PTPRG: variants seen among roughly 807,000 people sequenced by gnomAD.
PTPRG encodes the protein protein tyrosine phosphatase receptor type G.
PTPRG carries 102 observed loss-of-function variants against 165.3 expected under a neutral mutation model. The observed-to-expected ratio is 0.62, with a 90% CI of 0.53 to 0.73. PTPRG has a LOEUF of 0.73. PTPRG is among the 30% of genes least tolerant of loss of function. The probability of loss-of-function intolerance (pLI) is 0.00; values close to 1 mark genes in which losing one functional copy is unlikely to be tolerated. For missense variants in PTPRG, 1,866 were observed against 1,861.4 expected (o/e 1.00, Z -0.05); for synonymous variants, 675 against 669.5 (o/e 1.01, Z -0.13).
intron 20 of PTPRG, among the ~76,000 whole-genome samples, chr3:62,270,022 G>C (rs1465865704): frequency 6.6e-6 from 1 of 152,074 alleles, no homozygotes; most frequent in Non-Finnish European, 1.5e-5. Context: ...AATATATACT[G>C]TTTCTCTTAA....
At chr3:61,564,585 A>AGGGCGG (rs1222329344) in intron 1 of PTPRG, among the ~76,000 whole-genome samples, 1 of 152,176 alleles carries the variant, frequency 6.6e-6, no homozygotes, top group African/African-American at 2.4e-5. Context: ...CGCAGGGAAG[A>AGGGCGG]GGGCGGTTTG....
chr3:62,026,800 C>T (rs1047897480), intron 4 of PTPRG, among the ~76,000 whole-genome samples: 3 of 145,526 alleles, frequency 2.1e-5, no homozygotes, highest in African/African-American at 7.8e-5. Flanking sequence ...GCAGGAGAAT[C>T]GCTTGAACCC....
intron 2 of PTPRG, among the ~76,000 whole-genome samples, chr3:61,916,906 A>G (rs1338901248): frequency 6.6e-6 from 1 of 152,234 alleles, no homozygotes; most frequent in Admixed American, 6.5e-5. Context: ...AAGTTTAAAC[A>G]TTATAACATT....
intron 28 of PTPRG, among the ~76,000 whole-genome samples, chr3:62,289,381 A>G (rs773881595): frequency 1.3e-5 from 2 of 152,224 alleles, no homozygotes; most frequent in Non-Finnish European, 2.9e-5. Context: ...CCAAGGCTAC[A>G]TATGAACAGT....
intron 2 of PTPRG, among the ~76,000 whole-genome samples, chr3:61,930,197 G>A (rs999790840): frequency 3.9e-5 from 6 of 152,144 alleles, no homozygotes; most frequent in African/African-American, 1.4e-4. Context: ...ATTTGATGGT[G>A]ACAGCCATCT....
chr3:62,210,414 T>C lies in PTPRG; in HGVS notation c.2155+6464T>C, dbSNP rs1327765025. 2.0e-5 allele frequency among the ~76,000 whole-genome samples: 3 copies of C among 152,180 alleles called. No homozygotes were observed. Among genetic ancestry groups the C allele is most frequent in the Non-Finnish European group, 2.9e-5 (2 of 68,026 alleles). On this transcript the variant is annotated intron_variant, in intron 12 of 29. Coordinates refer to ENST00000474889, the MANE Select transcript of PTPRG (RefSeq NM_002841.4). The surrounding 1 kb of genome is among the most constrained non-coding windows in gnomAD (Gnocchi z 4.1). The stretch of plus-strand genomic sequence containing the variant: ...GTTAGAATGGCTTCTATCAAAAATA[T>C]AGAAAATAAATGTTGGCAGAAATGT...
intron 1 of PTPRG, among the ~76,000 whole-genome samples, chr3:61,633,212 A>G (rs542865137): frequency 6.6e-6 from 1 of 152,282 alleles, no homozygotes; most frequent in East Asian, 1.9e-4. Flanking sequence ...GTTGTCTTGT[A>G]TTCCCAACTG....
rs142539454 is a variant in PTPRG at position 62,129,258 on chromosome 3, T to G, written c.616-3344T>G. Among the ~76,000 whole-genome samples, 643 of 152,278 alleles carry G rather than the reference T, an allele frequency of 4.2e-3. 7 individuals carry two copies. Among genetic ancestry groups the G allele is most frequent in the Admixed American group, 0.019 (292 of 15,300 alleles). The stretch of plus-strand genomic sequence containing the variant: ...GGGCTAGGTTGACTGGTTGTTTTCC[T>G]TTTGCATAGCCTACAAATATTATTG... On this transcript the variant is annotated intron_variant, in intron 5 of 29. Transcript: ENST00000474889.
intron 1 of PTPRG, among the ~76,000 whole-genome samples, chr3:61,673,220 G>C (rs927264277): frequency 2.6e-5 from 4 of 152,178 alleles, no homozygotes; most frequent in African/African-American, 9.7e-5. Flanking sequence ...AGTTGTCCCT[G>C]CATGTAAAAC....
chr3:62,111,509 T>C (rs1702665424), intron 5 of PTPRG, among the ~76,000 whole-genome samples: 1 of 152,070 alleles, frequency 6.6e-6, no homozygotes, highest in South Asian at 2.1e-4. Context: ...GAGTGCGGTG[T>C]CATGGTCATA....
rs1382713099 is a variant in PTPRG, at chr3:62,262,876, T to C, written c.2638T>C (p.Tyr880His). Residue 880 changes from tyrosine to histidine, a missense_variant, in exon 17 of 30, where the codon TAC (tyrosine) becomes CAC (histidine). This residue lies in a region of PTPRG where 1,452 missense variants were observed against 1,463.0 expected (regional missense o/e 0.99). Coordinates refer to ENST00000474889, the MANE Select transcript of PTPRG (RefSeq NM_002841.4). ...NHPENKHKNRYINILAYDHSR... is the reference protein window; with the variant it reads ...NHPENKHKNRHINILAYDHSR... ...TCCAGAAAACAAGCACAAAAACAGA[T>C]ACATCAACATTTTAGCATGTGAGTA... is the stretch of plus-strand genomic sequence containing the variant. 1.2e-6 allele frequency: 2 copies of C among 1,611,998 alleles called. No homozygotes were observed. The highest frequency in any genetic ancestry group is 8.5e-7 in the Non-Finnish European group (1 of 1,178,210).
intron 1 of PTPRG, among the ~76,000 whole-genome samples, chr3:61,684,119 G>A (rs889254895): frequency 6.6e-6 from 1 of 152,196 alleles, no homozygotes; most frequent in African/African-American, 2.4e-5. Context: ...TCTCGTATAG[G>A]CTATCAGAGA....
intron 2 of PTPRG, among the ~76,000 whole-genome samples, chr3:61,906,478 T>C (rs72882273): frequency 1.6e-3 from 245 of 150,786 alleles, no homozygotes; most frequent in African/African-American, 5.7e-3. Flanking sequence ...AAAAAAAACA[T>C]ATATATATGG....
chr3:61,688,504 C>T lies in PTPRG; in HGVS notation c.86-60374C>T, dbSNP rs190488077. Among the ~76,000 whole-genome samples the T allele has an allele frequency of 9.9e-4, 151 of 152,316 alleles. 1 individual carries two copies. Among genetic ancestry groups the T allele is most frequent in the Non-Finnish European group, 1.6e-3 (108 of 68,026 alleles). ...TGTGGCAGCAGGTCTCAAGCTTTGTCGGTGATTAGTTGCACGGCGGGGAAG... is the reference window on the plus strand; with the variant it reads ...TGTGGCAGCAGGTCTCAAGCTTTGTTGGTGATTAGTTGCACGGCGGGGAAG... On this transcript the variant is annotated intron_variant, in intron 1 of 29. Coordinates refer to ENST00000474889, the MANE Select transcript of PTPRG (RefSeq NM_002841.4).
At chr3:61,576,986 A>T (rs751268441) in intron 1 of PTPRG, among the ~76,000 whole-genome samples, 2 of 152,134 alleles carry the variant, frequency 1.3e-5, no homozygotes, top group Non-Finnish European at 2.9e-5. Context: ...CTGAATTCTT[A>T]GCTATTTAAG....
chr3:61,999,984 T>C (rs1400000443), intron 3 of PTPRG, among the ~76,000 whole-genome samples: 1 of 152,110 alleles, frequency 6.6e-6, no homozygotes, highest in African/African-American at 2.4e-5. Context: ...ACTAAAAGCA[T>C]CTACTCAATA....
intron 12 of PTPRG, 68 bp downstream of exon 12, chr3:62,204,018 T>C (rs1576130910): frequency 1.3e-6 from 2 of 1,498,096 alleles, no homozygotes; most frequent in East Asian, 4.6e-5. Context: ...TTCAAAAAAT[T>C]GGGAGCAGAA....
intron 5 of PTPRG, among the ~76,000 whole-genome samples, chr3:62,093,313 T>A (rs1231564615): frequency 2.6e-5 from 4 of 152,182 alleles, no homozygotes; most frequent in African/African-American, 9.7e-5. Context: ...TGTTCTCAAC[T>A]CCTGAGGTTC....
intron 1 of PTPRG, among the ~76,000 whole-genome samples, chr3:61,585,559 A>G (rs1449235422): frequency 6.6e-6 from 1 of 152,052 alleles, no homozygotes; most frequent in Non-Finnish European, 1.5e-5. Context: ...AGCCTGGGCA[A>G]CATGGCAAAA....
Sources: allele counts gnomAD v4.1 joint callset (sites outside exome capture counted in the v4.1 genomes callset), GRCh38; gene constraint gnomAD v4.1.1; regional missense constraint gnomAD v4.1.1; non-coding constraint Gnocchi (gnomAD v3.1); transcripts MANE v1.5; gene names NCBI Gene and HGNC (gene_info 2026-07-23, HGNC 2026-07-21).